The following VRTN variants were observed in gnomAD, a reference collection of about 807,000 sequenced individuals.
VRTN encodes the protein vertnin.
In VRTN, 5 loss-of-function variants were observed where a neutral mutation model predicts 18.2. That is an observed-to-expected ratio of 0.27 (90% CI 0.14 to 0.58). The LOEUF (loss-of-function observed/expected upper bound fraction) is 0.58. Ranked by LOEUF, VRTN falls within the 20% of genes least tolerant of loss-of-function variation. The pLI is 0.91. For missense variants in VRTN, 741 were observed against 939.4 expected, an observed-to-expected ratio of 0.79 and a Z score of 2.76; for synonymous variants, 381 against 393.7, an observed-to-expected ratio of 0.97 and a Z score of 0.38.
chr14:74,308,381 A>G (rs1410517446), intron 1 of VRTN, among the ~76,000 whole-genome samples: 1 of 152,200 alleles, frequency 6.6e-6, no homozygotes, highest in Non-Finnish European at 1.5e-5. Flanking sequence ...TCTCATTTTC[A>G]TGTCCTTCTG....
chr14:74,303,947 A>G (rs1310580128), intron 1 of VRTN, among the ~76,000 whole-genome samples: 1 of 139,232 alleles, frequency 7.2e-6, no homozygotes, highest in African/African-American at 2.8e-5. Flanking sequence ...AGCCTCCCGG[A>G]TTGAAGCCAT....
upstream of VRTN, chr14:74,303,031 G>A (rs1331060909): frequency 1.9e-5 from 21 of 1,107,380 alleles, no homozygotes; most frequent in Non-Finnish European, 2.4e-5. Flanking sequence ...AGGAAGGTGC[G>A]GGAGACGCGG....
upstream of VRTN, among the ~76,000 whole-genome samples, chr14:74,345,084 G>C (rs1282044799): frequency 6.6e-6 from 1 of 152,060 alleles, no homozygotes; most frequent in African/African-American, 2.4e-5. Context: ...GTCTTGCTCT[G>C]TTGCTCAAGC....
At chr14:74,348,830 G>A (rs186847337) in intron 1 of VRTN, among the ~76,000 whole-genome samples, 178 bp downstream of exon 1, 95 of 151,912 alleles carry the variant, frequency 6.3e-4, no homozygotes, top group Non-Finnish European at 8.2e-4. Context: ...GGGAGAGGAC[G>A]CATTGTTTCA....
At chr14:74,307,873 G>A (rs2085363886) in intron 1 of VRTN, among the ~76,000 whole-genome samples, 1 of 152,018 alleles carries the variant, frequency 6.6e-6, no homozygotes, top group Non-Finnish European at 1.5e-5. Context: ...GGGACTACAG[G>A]CGTCCACCAG....
upstream of VRTN, among the ~76,000 whole-genome samples, chr14:74,343,820 G>A (rs1217930979): frequency 2.0e-5 from 3 of 151,398 alleles, no homozygotes; most frequent in Admixed American, 6.6e-5. Context: ...TTTTTAAGAC[G>A]GAGTCTCACT....
intron 1 of VRTN, among the ~76,000 whole-genome samples, chr14:74,355,296 A>G (rs1302833258): frequency 1.3e-5 from 2 of 152,192 alleles, no homozygotes; most frequent in Admixed American, 1.3e-4. Flanking sequence ...TCTGCCAAAT[A>G]TATCCAAATC....
At chr14:74,307,193 G>T (rs113158093) in intron 1 of VRTN, among the ~76,000 whole-genome samples, 2 of 135,126 alleles carry the variant, frequency 1.5e-5, no homozygotes, top group African/African-American at 5.6e-5. Flanking sequence ...GCCCAGGCTG[G>T]ATTGGGGCTC....
At position 74,357,418 on chromosome 14, in the gene VRTN, A is replaced by ACCACGTGCCCTCCACGCTGCAC; in HGVS notation, c.636_657dup (p.Ile220ProfsTer37). ...CGTGTCATCCGGCCCCGCCGCTGCG[A>ACCACGTGCCCTCCACGCTGCAC]CCACGTGCCCTCCACGCTGCACATC... On this transcript the variant is annotated frameshift_variant, in exon 2 of 2. Transcript: ENST00000256362. LOFTEE classifies it high-confidence loss of function. The surrounding 1 kb of genome is among the most constrained non-coding windows in gnomAD (Gnocchi z 7.8). The ACCACGTGCCCTCCACGCTGCAC allele has an allele frequency of 6.2e-7, 1 of 1,612,590 alleles. No homozygotes were observed.
chr14:74,345,609 T>A (rs2085639020), upstream of VRTN, among the ~76,000 whole-genome samples: 1 of 151,948 alleles, frequency 6.6e-6, no homozygotes, highest in African/African-American at 2.4e-5. Flanking sequence ...AAAATGTTTT[T>A]AAAATAGCTT....
intron 1 of VRTN, among the ~76,000 whole-genome samples, chr14:74,314,138 A>AT (rs940938774): frequency 1.0e-4 from 15 of 149,532 alleles, no homozygotes; most frequent in Non-Finnish European, 1.0e-4. Flanking sequence ...TTCTCTTTTA[A>AT]TTTTTTTTTT....
At chr14:74,345,058 A>G (rs2085634805), upstream of VRTN, among the ~76,000 whole-genome samples, 1 of 151,926 alleles carries the variant, frequency 6.6e-6, no homozygotes, top group South Asian at 2.1e-4. Flanking sequence ...TTTTTCATTT[A>G]TTTTTTTGAG....
chr14:74,331,683 T>C (rs763739649), intron 1 of VRTN, among the ~76,000 whole-genome samples: 26 of 148,902 alleles, frequency 1.7e-4, no homozygotes, highest in Middle Eastern at 7.1e-3. Context: ...GGAGGGAGCT[T>C]AGAGGTAATT....
intron 1 of VRTN, among the ~76,000 whole-genome samples, chr14:74,323,141 A>G (rs920988787): frequency 1.3e-5 from 2 of 152,100 alleles, no homozygotes; most frequent in Non-Finnish European, 1.5e-5. Flanking sequence ...TCAAAAAAAA[A>G]GCATACTGGG....
chr14:74,358,715 CATG>C lies in VRTN; in HGVS notation c.1935_1937del (p.Met645del), dbSNP rs773055938. ...GGGATGGCCGGATGCTGGTGATGGA[CATG>C]ATCGCTACCACGAAGTTCAAGGCCC... On this transcript the variant is annotated inframe_deletion, in exon 2 of 2. Transcript: ENST00000256362. The surrounding 1 kb of genome is among the most constrained non-coding windows in gnomAD (Gnocchi z 5.4). 6.2e-7 allele frequency: 1 copy of C among 1,614,172 alleles called. No homozygotes were observed. Among genetic ancestry groups the C allele is most frequent in the Non-Finnish European group, 8.5e-7 (1 of 1,180,028 alleles).
intron 1 of VRTN, among the ~76,000 whole-genome samples, chr14:74,349,735 A>G (rs950777213): frequency 5.9e-4 from 90 of 152,310 alleles, no homozygotes; most frequent in African/African-American, 2.1e-3. Context: ...TATGCTTGAA[A>G]TAAAGAATGG....
At chr14:74,350,151 T>C (rs1236726419) in intron 1 of VRTN, among the ~76,000 whole-genome samples, 1 of 152,094 alleles carries the variant, frequency 6.6e-6, no homozygotes, top group Non-Finnish European at 1.5e-5. Context: ...TCATCAATTG[T>C]CTACTTAAGA....
intron 1 of VRTN, among the ~76,000 whole-genome samples, chr14:74,354,090 C>T (rs1437464094): frequency 2.6e-5 from 4 of 152,056 alleles, no homozygotes; most frequent in African/African-American, 9.7e-5. Context: ...TGTCCGAGAG[C>T]ACATTATTCT....
chr14:74,307,886 C>T (rs1246536473), intron 1 of VRTN, among the ~76,000 whole-genome samples: 2 of 152,012 alleles, frequency 1.3e-5, no homozygotes, highest in African/African-American at 4.8e-5. Flanking sequence ...TCCACCAGCA[C>T]GCCTGGCTAA....
Sources: gnomAD v4.1 joint callset for allele counts (sites outside exome capture counted in the v4.1 genomes callset) on GRCh38, gnomAD v4.1.1 for gene constraint, Gnocchi (gnomAD v3.1) non-coding constraint, MANE v1.5 for transcripts, NCBI Gene and HGNC (gene_info 2026-07-23, HGNC 2026-07-21) for gene names.